Variants in DMXL2 observed in about 807,000 individuals in gnomAD.
DMXL2 encodes Dmx like 2, also known as dmX-like protein 2.
A neutral mutation model predicts 331.1 loss-of-function variants in DMXL2; 103 were observed. That is an observed-to-expected ratio of 0.31 (90% confidence interval 0.27 to 0.37). The LOEUF is 0.37. DMXL2 is among the 10% of genes least tolerant of loss of function. The pLI is 1.00. For synonymous variants in DMXL2, 1,281 were observed against 1,252.1 expected, an observed-to-expected ratio of 1.02 and a Z score of -0.49; for missense variants, 3,171 against 3,642.9, an observed-to-expected ratio of 0.87 and a Z score of 3.33.
intron 33 of DMXL2, among the ~76,000 whole-genome samples, chr15:51,462,614 G>A (rs972080251): frequency 2.0e-5 from 3 of 152,122 alleles, no homozygotes; most frequent in African/African-American, 7.2e-5. Flanking sequence ...TGGGATTACA[G>A]GTGTGAGCCA....
chr15:51,454,835 TAAG>T (rs1486805943), intron 40 of DMXL2, among the ~76,000 whole-genome samples: 10 of 152,178 alleles, frequency 6.6e-5, no homozygotes, highest in Non-Finnish European at 7.4e-5. Flanking sequence ...ATGTGTATAT[TAAG>T]AAGATAGAGT....
chr15:51,556,512 C>T (rs1438144086), intron 6 of DMXL2, among the ~76,000 whole-genome samples: 5 of 152,016 alleles, frequency 3.3e-5, no homozygotes, highest in South Asian at 2.1e-4. Context: ...GTGGCTCATG[C>T]CTGTAATCCC....
chr15:51,486,252 T>C lies in DMXL2; in HGVS notation c.5303A>G (p.Tyr1768Cys), dbSNP rs1414574282. 2 of 1,613,566 alleles carry C rather than the reference T, an allele frequency of 1.2e-6. No individual in the cohort carries two copies. The highest frequency in any genetic ancestry group is 2.7e-5 in the African/African-American group (2 of 74,912). ...YESEFETSST[Y>C]ISILNQKILG... ...AATCTTCTGATTTAGGATGGATATA[T>C]AAGTGGATGAAGTCTCAAATTCAGA... is the stretch of plus-strand genomic sequence containing the variant. Residue 1768 changes from tyrosine (Y) to cysteine (C), a missense_variant, in exon 23 of 44, where the codon TAT becomes TGT. Transcript: ENST00000560891.
rs2046458564 is a variant in DMXL2 at position 51,507,242 on chromosome 15, G to C, written c.2656C>G (p.Pro886Ala). Reference protein sequence around the residue: ...FFQPSQGYRPPPFSEKFFLVV... With the variant: ...FFQPSQGYRPAPFSEKFFLVV... ...AGAAAGAACTTTTCTGAAAATGGTG[G>C]TGGGCGGTATCCTATTATTCAAAGG... The change falls in exon 16 of 44, where the codon CCA becomes GCA. Residue 886 changes from proline to alanine, a missense_variant. Transcript: ENST00000560891. 2 of 1,609,936 alleles carry C rather than the reference G, an allele frequency of 1.2e-6. No homozygotes were observed. Among genetic ancestry groups the C allele is most frequent in the Non-Finnish European group, 1.7e-6 (2 of 1,178,156 alleles).
In DMXL2 at chr15:51,622,756, G is replaced by C; in HGVS notation, c.-211C>G. The C allele has an allele frequency of 2.3e-6, 2 of 883,320 alleles. No individual in the cohort carries two copies. Among genetic ancestry groups the C allele is most frequent in the Non-Finnish European group, 3.3e-6 (2 of 609,124 alleles). The allele number at this position is 883,320 out of a possible 1,614,324, so 54.7% of individuals were successfully genotyped here. On this transcript the variant is annotated 5_prime_UTR_variant, in exon 1 of 44. Transcript: ENST00000560891. ...GACCGCCGCCGCCGCCCGGGTCGCC[G>C]CTCAGCTGCGGAAATGCCCGGATGT... is the stretch of plus-strand genomic sequence containing the variant.
chr15:51,544,954 A>G lies in DMXL2; in HGVS notation c.930+629T>C, dbSNP rs184565626. Among the ~76,000 whole-genome samples the G allele has an allele frequency of 2.1e-3, 315 of 152,222 alleles. 1 individual carries two copies. The highest frequency in any genetic ancestry group is 7.2e-3 in the African/African-American group (298 of 41,572). On this transcript the variant is annotated intron_variant, in intron 8 of 43. Transcript: ENST00000560891. ...TTTCTGACAATTCAAAATAATGCAT[A>G]TATCTCATTGTATTACCTAATCATA... is the stretch of plus-strand genomic sequence containing the variant.
chr15:51,572,627 C>T (rs2050748489), intron 2 of DMXL2, among the ~76,000 whole-genome samples: 2 of 152,150 alleles, frequency 1.3e-5, no homozygotes, highest in Admixed American at 1.3e-4. Flanking sequence ...GAAGCTGGTT[C>T]AACATACACA....
chr15:51,518,406 T>G (rs190861021), intron 13 of DMXL2, among the ~76,000 whole-genome samples: 1 of 152,306 alleles, frequency 6.6e-6, no homozygotes, highest in East Asian at 1.9e-4. Context: ...AACTGTGGCC[T>G]ATAGTTGGTG....
chr15:51,619,281 T>C (rs958938763), intron 1 of DMXL2, among the ~76,000 whole-genome samples: 1 of 152,196 alleles, frequency 6.6e-6, no homozygotes, highest in Non-Finnish European at 1.5e-5. Flanking sequence ...TATTGCAGGA[T>C]AACATTTCGA....
chr15:51,539,257 T>A (rs758698238), intron 9 of DMXL2, among the ~76,000 whole-genome samples: 2 of 151,816 alleles, frequency 1.3e-5, no homozygotes, highest in African/African-American at 4.8e-5. Flanking sequence ...AAACATTTCA[T>A]ACACATACAC....
chr15:51,582,114 TA>T (rs2051469011), intron 1 of DMXL2, among the ~76,000 whole-genome samples: 1 of 152,202 alleles, frequency 6.6e-6, no homozygotes, highest in Admixed American at 6.5e-5. Context: ...TACCATTTAT[TA>T]AAAACCTACT....
At chr15:51,456,395 TA>T in intron 37 of DMXL2, 26 bp from the exon 38 acceptor site, 1 of 1,376,968 alleles carries the variant, frequency 7.3e-7, no homozygotes, top group South Asian at 1.3e-5. Flanking sequence ...TTAAAAATTT[TA>T]TTTTGTGTAT....
Position 51,502,880 on chromosome 15 carries a change from C to G in DMXL2, c.2918G>C (p.Ser973Thr). The change falls in exon 17 of 44, where the codon AGT (serine) becomes ACT (threonine). Residue 973 changes from serine to threonine, a missense_variant. Physicochemically the swap from Ser to Thr is moderately conservative, Grantham distance 58 (BLOSUM62 1). Transcript: ENST00000560891. The part of the protein sequence containing the change: ...NLQTASKLIL[S>T]SRLVYSQPLD... Reference sequence around the variant, plus strand: ...GGGTTGGCTATACACCAGTCTAGAACTCAGAATAAGTTTACTGGCAGTTTG... The same window carrying G: ...GGGTTGGCTATACACCAGTCTAGAAGTCAGAATAAGTTTACTGGCAGTTTG... 6.2e-7 allele frequency: 1 copy of G among 1,614,054 alleles called. No homozygotes were observed. The highest frequency in any genetic ancestry group is 8.5e-7 in the Non-Finnish European group (1 of 1,180,004).
intron 1 of DMXL2, among the ~76,000 whole-genome samples, chr15:51,595,356 T>C (rs1393894479): frequency 1.3e-5 from 2 of 152,094 alleles, no homozygotes; most frequent in African/African-American, 4.8e-5. Context: ...TAGGAATTCA[T>C]CTTACAAAGG....
chr15:51,577,841 T>G (rs781450209), intron 1 of DMXL2, among the ~76,000 whole-genome samples: 22 of 152,196 alleles, frequency 1.4e-4, no homozygotes, highest in South Asian at 2.1e-4. Context: ...TTAAGTTCCC[T>G]AAGCATTTCC....
chr15:51,537,459 G>C (rs2048349069), intron 11 of DMXL2, 29 bp downstream of exon 11: 1 of 1,556,136 alleles, frequency 6.4e-7, no homozygotes, highest in Non-Finnish European at 8.7e-7. Flanking sequence ...TTTAAGAAAT[G>C]TAATAACTAT....
chr15:51,565,274 T>A (rs1413245163), intron 3 of DMXL2, 108 bp from the exon 4 acceptor site: 4 of 614,096 alleles, frequency 6.5e-6, no homozygotes, highest in African/African-American at 1.9e-5. Context: ...GACTTTAAGA[T>A]CTGGAACAAA....
chr15:51,588,316 C>T (rs1299492379), intron 1 of DMXL2, among the ~76,000 whole-genome samples: 1 of 152,032 alleles, frequency 6.6e-6, no homozygotes, highest in Non-Finnish European at 1.5e-5. Flanking sequence ...AGCACCACAC[C>T]CTGTTAATTT....
At chr15:51,559,340 CTTTT>C (rs1035136809) in intron 6 of DMXL2, among the ~76,000 whole-genome samples, 1 of 152,196 alleles carries the variant, frequency 6.6e-6, no homozygotes, top group Non-Finnish European at 1.5e-5. Context: ...CAGTTACTTT[CTTTT>C]AAATCAGTCA....
Sources: gnomAD v4.1 joint callset for allele counts (sites outside exome capture counted in the v4.1 genomes callset) on GRCh38, gnomAD v4.1.1 for gene constraint, MANE v1.5 for transcripts, NCBI Gene and HGNC (gene_info 2026-07-23, HGNC 2026-07-21) for gene names.